Variants in BMPER observed in about 807,000 individuals in gnomAD.
BMPER encodes the protein BMP binding endothelial regulator, also known as BMP-binding endothelial regulator protein.
A neutral mutation model predicts 87.3 loss-of-function variants in BMPER; 45 were observed. The ratio of observed to expected loss-of-function variants is 0.52; its 90% CI spans 0.41 to 0.66. BMPER has a LOEUF of 0.66. Among genes scored for constraint, BMPER ranks in the 30% least tolerant of loss-of-function variants. The probability of loss-of-function intolerance (pLI) is 0.00; values close to 1 mark genes in which losing one functional copy is unlikely to be tolerated. For missense variants in BMPER, 784 were observed against 867.5 expected (o/e 0.90, Z 1.21); for synonymous variants, 326 against 316.2 (o/e 1.03, Z -0.33).
At chr7:34,012,896 T>C (rs1352121758) in intron 6 of BMPER, among the ~76,000 whole-genome samples, 2 of 151,926 alleles carry the variant, frequency 1.3e-5, no homozygotes, top group African/African-American at 4.8e-5. Context: ...ACTCTAACCA[T>C]CTGTTGTTTC....
intron 6 of BMPER, among the ~76,000 whole-genome samples, chr7:34,004,203 T>G (rs115224014): frequency 6.6e-6 from 1 of 152,264 alleles, no homozygotes; most frequent in African/African-American, 2.4e-5. Flanking sequence ...GAATTTTTCA[T>G]TACAGTTATT....
intron 6 of BMPER, among the ~76,000 whole-genome samples, chr7:33,989,637 A>G (rs112499566): frequency 3.9e-5 from 6 of 151,992 alleles, no homozygotes; most frequent in African/African-American, 9.7e-5. Context: ...CCATTTGTCA[A>G]TTTTGCCTTT....
intron 11 of BMPER, among the ~76,000 whole-genome samples, chr7:34,064,839 G>A (rs1788535808): frequency 6.6e-6 from 1 of 152,168 alleles, no homozygotes; most frequent in Admixed American, 6.5e-5. Flanking sequence ...ATTTGGCGAG[G>A]CTTATTTGTT....
intron 11 of BMPER, among the ~76,000 whole-genome samples, chr7:34,077,160 C>A (rs1788887168): frequency 6.6e-6 from 1 of 152,020 alleles, no homozygotes; most frequent in Admixed American, 6.6e-5. Flanking sequence ...GGGAGAGATT[C>A]CATTTCATGG....
chr7:34,081,603 C>A (rs912168681), intron 12 of BMPER, among the ~76,000 whole-genome samples: 1 of 152,246 alleles, frequency 6.6e-6, no homozygotes, highest in Non-Finnish European at 1.5e-5. Flanking sequence ...CACTCCCACC[C>A]CAACTCTTGA....
At chr7:33,905,219 G>A (rs1402612174), upstream of BMPER, 8 of 305,612 alleles carry the variant, frequency 2.6e-5, no homozygotes, top group African/African-American at 4.5e-5. Flanking sequence ...CAGCCCGGGC[G>A]GCGGCTGAGC....
chr7:33,945,166 C>T (rs1013823294), intron 3 of BMPER, among the ~76,000 whole-genome samples: 1 of 151,800 alleles, frequency 6.6e-6, no homozygotes, highest in Admixed American at 6.6e-5. Flanking sequence ...TCGTCTCGAT[C>T]TCCTGACCTC....
At chr7:34,031,812 A>G (rs544744088) in intron 6 of BMPER, among the ~76,000 whole-genome samples, 3 of 149,378 alleles carry the variant, frequency 2.0e-5, no homozygotes, top group South Asian at 4.3e-4. Context: ...CAAGACTCCA[A>G]TTAAATAAAC....
At chr7:33,983,341 A>G (rs939117426) in intron 6 of BMPER, among the ~76,000 whole-genome samples, 2 of 152,152 alleles carry the variant, frequency 1.3e-5, no homozygotes, top group African/African-American at 2.4e-5. Context: ...GGAGACATTG[A>G]CTTCATATTG....
intron 12 of BMPER, 62 bp downstream of exon 12, chr7:34,079,248 C>G: frequency 6.2e-7 from 1 of 1,600,300 alleles, no homozygotes; most frequent in Non-Finnish European, 8.6e-7. Context: ...TTCAGCAGCA[C>G]TGCTCGGTTA....
chr7:34,129,516 G>A (rs1347663220), intron 13 of BMPER, among the ~76,000 whole-genome samples: 1 of 149,706 alleles, frequency 6.7e-6, no homozygotes, highest in East Asian at 2.0e-4. Context: ...CAGCTTAGGC[G>A]ACAGAGCGAG....
intron 11 of BMPER, among the ~76,000 whole-genome samples, chr7:34,065,905 T>G (rs990507627): frequency 3.9e-5 from 6 of 152,266 alleles, no homozygotes; most frequent in Non-Finnish European, 7.3e-5. Flanking sequence ...AATACCTCCA[T>G]GCACACATAC....
intron 13 of BMPER, among the ~76,000 whole-genome samples, chr7:34,109,983 A>G (rs1789918452): frequency 6.6e-6 from 1 of 152,150 alleles, no homozygotes; most frequent in Admixed American, 6.5e-5. Context: ...GACAGTCACT[A>G]TACAGCAAGG....
At chr7:34,082,612 A>G (rs901982967) in intron 12 of BMPER, among the ~76,000 whole-genome samples, 1 of 152,144 alleles carries the variant, frequency 6.6e-6, no homozygotes, top group Admixed American at 6.5e-5. Flanking sequence ...AGATGTCACG[A>G]GTTTTGAGAA....
At chr7:33,992,033 C>G (rs1307848388) in intron 6 of BMPER, among the ~76,000 whole-genome samples, 1 of 150,914 alleles carries the variant, frequency 6.6e-6, no homozygotes, top group Non-Finnish European at 1.5e-5. Flanking sequence ...AGCTTTACTT[C>G]CCAGTATGTG....
intron 13 of BMPER, among the ~76,000 whole-genome samples, chr7:34,142,343 T>G (rs1419364505): frequency 6.6e-6 from 1 of 152,216 alleles, no homozygotes; most frequent in East Asian, 1.9e-4. Flanking sequence ...AATGACCCCT[T>G]CATTTATGGA....
intron 13 of BMPER, among the ~76,000 whole-genome samples, chr7:34,112,827 C>T (rs1189854252): frequency 6.6e-6 from 1 of 151,698 alleles, no homozygotes; most frequent in Non-Finnish European, 1.5e-5. Context: ...AATATTAACT[C>T]ATTTAATATG....
chr7:34,065,654 T>G (rs746352604), intron 11 of BMPER, among the ~76,000 whole-genome samples: 2 of 152,214 alleles, frequency 1.3e-5, no homozygotes, highest in Non-Finnish European at 2.9e-5. Context: ...ATTTTAATTC[T>G]CTAACCCTGC....
At chr7:33,932,934 TCCGCCCTACGCTCATGGGAGAGCTCA>T in intron 2 of BMPER, among the ~76,000 whole-genome samples, 1 of 152,256 alleles carries the variant, frequency 6.6e-6, no homozygotes, top group South Asian at 2.1e-4. Flanking sequence ...TCTGTACCCC[TCCGCCCTACGCTCATGGGAGAGCTCA>T]TTTCTCTCCC....
Sources: allele counts gnomAD v4.1 joint callset (sites outside exome capture counted in the v4.1 genomes callset), GRCh38; gene constraint gnomAD v4.1.1; transcripts MANE v1.5; gene names NCBI Gene and HGNC (gene_info 2026-07-23, HGNC 2026-07-21).